CMTM1: variants seen among roughly 807,000 people sequenced by gnomAD.
CMTM1 encodes the protein CKLF-like MARVEL transmembrane domain-containing protein 1.
A neutral mutation model predicts 17.8 loss-of-function variants in CMTM1; 16 were observed. That is an observed-to-expected ratio of 0.90 (90% CI 0.61 to 1.37). The LOEUF (loss-of-function observed/expected upper bound fraction) is 1.37. Ranked by LOEUF, CMTM1 falls within the 40% of genes most tolerant of loss-of-function variation. CMTM1 has a pLI of 0.00. For missense variants in CMTM1, 354 were observed against 375.6 expected, an observed-to-expected ratio of 0.94 and a Z score of 0.47; for synonymous variants, 169 against 154.6, an observed-to-expected ratio of 1.09 and a Z score of -0.69.
chr16:66,575,928 T>C (rs1567377944), intron 2 of CMTM1, among the ~76,000 whole-genome samples: 1 of 152,366 alleles, frequency 6.6e-6, no homozygotes, highest in East Asian at 1.9e-4. Context: ...GGTTATGTCC[T>C]CTGGGCTTTT....
In CMTM1 at chr16:66,566,458, G is replaced by A. The variant is rs998631727; in HGVS notation, c.-56G>A. On this transcript the variant is annotated 5_prime_UTR_variant, in exon 1 of 4. Coordinates refer to ENST00000379500, the MANE Select transcript of CMTM1 (RefSeq NM_052999.4). The surrounding 1 kb of genome is among the most constrained non-coding windows in gnomAD (Gnocchi z 4.9). Reference sequence around the variant, plus strand: ...TGGGACGCGACGCTGGTTCCCAGGGGAGAGCCAGCCGCTGCCGCGGCACTG... The same window carrying A: ...TGGGACGCGACGCTGGTTCCCAGGGAAGAGCCAGCCGCTGCCGCGGCACTG... 3.3e-6 allele frequency: 5 copies of A among 1,509,634 alleles called. No homozygotes were observed. The highest frequency in any genetic ancestry group is 4.4e-6 in the Non-Finnish European group (5 of 1,133,510). 93.5% of individuals were successfully genotyped at this position (1,509,634 alleles called of 1,614,324 possible). A position where few individuals can be genotyped will look rare whatever the true frequency, so the allele number is the denominator to read the frequency against.
rs1597188229 is a variant in CMTM1 at position 66,579,116 on chromosome 16, G to C, written c.*115G>C. 1 of 1,371,838 alleles carries C rather than the reference G, an allele frequency of 7.3e-7. No individual in the cohort carries two copies. The highest frequency in any genetic ancestry group is 9.7e-7 in the Non-Finnish European group (1 of 1,027,838). 85.0% of individuals were successfully genotyped at this position (1,371,838 alleles called of 1,614,324 possible). The stretch of plus-strand genomic sequence containing the variant: ...GCCTAAATGTGACCATAAAATTAGG[G>C]CTGCTGCTTTTATCGAGAACACCTG... On this transcript the variant is annotated 3_prime_UTR_variant, in exon 4 of 4. Transcript: ENST00000379500. The surrounding 1 kb of genome is among the most constrained non-coding windows in gnomAD (Gnocchi z 6.5).
At chr16:66,571,289 A>G (rs2013492484) in intron 2 of CMTM1, 1 of 426,508 alleles carries the variant, frequency 2.3e-6, no homozygotes, top group African/African-American at 2.0e-5. Flanking sequence ...ACCATTTTTG[A>G]GCATATACCA....
At chr16:66,575,149 C>T in intron 2 of CMTM1, 4 of 985,436 alleles carry the variant, frequency 4.1e-6, no homozygotes, top group Non-Finnish European at 4.8e-6. Flanking sequence ...TCACATTCCA[C>T]AAGAGGGCTC....
At chr16:66,573,626 T>C (rs2013837953) in intron 2 of CMTM1, among the ~76,000 whole-genome samples, 1 of 152,050 alleles carries the variant, frequency 6.6e-6, no homozygotes, top group Admixed American at 6.6e-5. Flanking sequence ...ATTCATTGTA[T>C]GTAAATTCCT....
At chr16:66,567,081 CT>C in intron 1 of CMTM1, 136 bp downstream of exon 1, 1 of 842,430 alleles carries the variant, frequency 1.2e-6, no homozygotes, top group South Asian at 1.4e-5. Context: ...CTCACCTTTC[CT>C]CCCCACCACC....
chr16:66,575,515 G>A (rs2014117787), intron 2 of CMTM1, among the ~76,000 whole-genome samples: 1 of 152,196 alleles, frequency 6.6e-6, no homozygotes, highest in Non-Finnish European at 1.5e-5. Context: ...AGATGGATTG[G>A]ATGCTGCACT....
At chr16:66,568,883 C>CA (rs60488761) in intron 1 of CMTM1, among the ~76,000 whole-genome samples, 2,559 of 108,674 alleles carry the variant, frequency 0.024, 29 homozygotes, top group African/African-American at 0.049. Flanking sequence ...AAGACTGTCT[C>CA]AAAAAAAAAA....
intron 2 of CMTM1, chr16:66,571,272 TA>T (rs1488710327): frequency 2.3e-6 from 1 of 443,956 alleles, no homozygotes; most frequent in Non-Finnish European, 4.5e-6. Context: ...GAAGGGAAGG[TA>T]AAGTAACCAT....
chr16:66,566,946 G>A lies in CMTM1; in HGVS notation c.432+1G>A. 1.2e-6 allele frequency: 2 copies of A among 1,614,110 alleles called. No homozygotes were observed. The highest frequency in any genetic ancestry group is 3.3e-5 in the Admixed American group (2 of 60,014). On this transcript the variant is annotated splice_donor_variant, in intron 1 of 3. Transcript: ENST00000379500. LOFTEE classifies it high-confidence loss of function. The surrounding 1 kb of genome is among the most constrained non-coding windows in gnomAD (Gnocchi z 4.9). ...TGGAATGTTGAAGATCCTGAGACTGGTGAGCGGAGAGCTGGTGAGACCTAG... is the reference window on the plus strand; with the variant it reads ...TGGAATGTTGAAGATCCTGAGACTGATGAGCGGAGAGCTGGTGAGACCTAG...
At chr16:66,575,800 G>C (rs2014159537) in intron 2 of CMTM1, among the ~76,000 whole-genome samples, 2 of 152,216 alleles carry the variant, frequency 1.3e-5, no homozygotes, top group African/African-American at 4.8e-5. Context: ...CCATACACTG[G>C]ATGGCAGTGC....
intron 1 of CMTM1, among the ~76,000 whole-genome samples, chr16:66,567,791 G>A (rs905132748): frequency 2.0e-5 from 3 of 152,126 alleles, no homozygotes; most frequent in African/African-American, 7.2e-5. Context: ...ACAAACATCA[G>A]CAAAACTGAA....
chr16:66,566,819 C>A lies in CMTM1; in HGVS notation c.306C>A (p.Ser102=), dbSNP rs778333805. 27 of 1,612,482 alleles carry A rather than the reference C, an allele frequency of 1.7e-5. No homozygotes were observed. The Admixed American group carries it at 4.6e-4, about 27-fold the overall frequency. The change falls in exon 1 of 4, where the codon TCC becomes TCA. Residue 102 remains serine, a synonymous_variant. Coordinates refer to ENST00000379500, the MANE Select transcript of CMTM1 (RefSeq NM_052999.4). The surrounding 1 kb of genome is among the most constrained non-coding windows in gnomAD (Gnocchi z 4.9). Reference sequence around the variant, plus strand: ...CCACGCCCTCTGCACACACTGAATCCAAACTCTTAAATGAGATGGCGATCA... The same window carrying A: ...CCACGCCCTCTGCACACACTGAATCAAAACTCTTAAATGAGATGGCGATCA... ...PPPTPSAHTE[S]KLLNEMAIKE... is the part of the protein sequence containing the mutation.
rs1455118191 is a variant in CMTM1 at position 66,579,063 on chromosome 16, C to A, written c.*62C>A. Reference sequence around the variant, plus strand: ...CGAATCGCTGCCTCCGAGCCCACCCCCGAGCTCGCATGCTGTCACCCATTC... The same window carrying A: ...CGAATCGCTGCCTCCGAGCCCACCCACGAGCTCGCATGCTGTCACCCATTC... On this transcript the variant is annotated 3_prime_UTR_variant, in exon 4 of 4. Transcript: ENST00000379500. The surrounding 1 kb of genome is among the most constrained non-coding windows in gnomAD (Gnocchi z 6.5). 52 of 1,560,628 alleles carry A rather than the reference C, an allele frequency of 3.3e-5. No homozygotes were observed. In the East Asian group the frequency reaches 1.2e-3, roughly 35 times the overall value.
chr16:66,572,370 A>C (rs1176092413), intron 2 of CMTM1, among the ~76,000 whole-genome samples: 1 of 152,202 alleles, frequency 6.6e-6, no homozygotes, highest in East Asian at 1.9e-4. Context: ...CCTTCCTTTC[A>C]AATGTGCTCT....
At chr16:66,578,790 A>G in intron 3 of CMTM1, 41 bp from the exon 4 acceptor site, 2 of 1,604,180 alleles carry the variant, frequency 1.2e-6, no homozygotes, top group Non-Finnish European at 1.7e-6. Context: ...CTGCAAAATA[A>G]CCCCGTCTTT....
intron 2 of CMTM1, chr16:66,575,189 T>C (rs904943877): frequency 4.1e-6 from 4 of 985,252 alleles, no homozygotes; most frequent in Non-Finnish European, 4.8e-6. Context: ...AGGAAGAACA[T>C]CTGGAGTTTG....
intron 2 of CMTM1, chr16:66,571,339 A>G: frequency 2.7e-6 from 1 of 372,584 alleles, no homozygotes; most frequent in Non-Finnish European, 5.3e-6. Context: ...TTTAATCCTC[A>G]CAACAACCCA....
At position 66,566,986 on chromosome 16, in the gene CMTM1, C is replaced by T; in HGVS notation, c.432+41C>T. 1 of 1,606,604 alleles carries T rather than the reference C, an allele frequency of 6.2e-7. No homozygotes were observed. The highest frequency in any genetic ancestry group is 8.5e-7 in the Non-Finnish European group (1 of 1,173,790). ...GTGAGACCTAGCTGGGCGGATGTGGCCGGCAGTGGCCTCGGGGAAATGCCC... is the reference window on the plus strand; with the variant it reads ...GTGAGACCTAGCTGGGCGGATGTGGTCGGCAGTGGCCTCGGGGAAATGCCC... On this transcript the variant is annotated intron_variant, in intron 1 of 3. Transcript: ENST00000379500. This position sits in a 1 kb window ranked among gnomAD's most constrained non-coding sequence, Gnocchi z 4.9.
Sources: gnomAD v4.1 joint callset for allele counts (sites outside exome capture counted in the v4.1 genomes callset) on GRCh38, gnomAD v4.1.1 for gene constraint, Gnocchi (gnomAD v3.1) non-coding constraint, MANE v1.5 for transcripts, NCBI Gene and HGNC (gene_info 2026-07-23, HGNC 2026-07-21) for gene names.